Variants in HLTF observed in about 807,000 individuals in gnomAD.
HLTF encodes helicase like transcription factor.
Under a neutral mutation model 129.4 loss-of-function variants are expected in HLTF, and 127 were observed. That is an observed-to-expected ratio of 0.98 (90% CI 0.85 to 1.14). The LOEUF (loss-of-function observed/expected upper bound fraction) is 1.14, where lower values mean the gene tolerates loss of function less well. Ranked by LOEUF, HLTF falls within the 50% of genes most tolerant of loss-of-function variation. The pLI is 0.00. For synonymous variants in HLTF, 332 were observed against 388.8 expected (o/e 0.85, Z 1.72); for missense variants, 1,139 against 1,187.1 (o/e 0.96, Z 0.60).
intron 18 of HLTF, 33 bp from the exon 19 acceptor site, chr3:149,042,323 C>G (rs377234012): frequency 1.7e-5 from 26 of 1,555,732 alleles, no homozygotes; most frequent in Non-Finnish European, 2.3e-5. Flanking sequence ...TTATTAAGTC[C>G]GCTAAACAAT....
In HLTF at chr3:149,086,475, A is replaced by G; in HGVS notation, c.-139T>C. 1 of 938,774 alleles carries G rather than the reference A, an allele frequency of 1.1e-6. No individual in the cohort carries two copies. Among genetic ancestry groups the G allele is most frequent in the Non-Finnish European group, 1.6e-6 (1 of 616,968 alleles). 58.2% of individuals were successfully genotyped at this position (938,774 alleles called of 1,614,324 possible). ...GCGCCGGATCAGGAGCGCACGACTG[A>G]AAGGTAAGTCGCCGCGAGTCCAGTC... On this transcript the variant is annotated 5_prime_UTR_variant, in exon 1 of 25. Transcript: ENST00000310053.
At chr3:149,047,517 C>T (rs1716643913) in intron 17 of HLTF, among the ~76,000 whole-genome samples, 1 of 152,160 alleles carries the variant, frequency 6.6e-6, no homozygotes, top group Non-Finnish European at 1.5e-5. Context: ...TGGCGCAGAC[C>T]TGTAATCTCA....
chr3:149,062,864 A>G (rs748013913), intron 10 of HLTF, among the ~76,000 whole-genome samples: 11 of 152,224 alleles, frequency 7.2e-5, no homozygotes, highest in Non-Finnish European at 1.2e-4. Context: ...AAAATAGAAA[A>G]AAAGTAGTAG....
chr3:149,077,300 T>G (rs1340113533), intron 2 of HLTF, among the ~76,000 whole-genome samples: 3 of 149,466 alleles, frequency 2.0e-5, no homozygotes, highest in Non-Finnish European at 4.5e-5. Context: ...ATAAAAATAA[T>G]AGCTTGTTGG....
chr3:149,071,086 A>G (rs895274614), intron 7 of HLTF, among the ~76,000 whole-genome samples, 166 bp downstream of exon 7: 2 of 151,924 alleles, frequency 1.3e-5, no homozygotes, highest in Non-Finnish European at 2.9e-5. Context: ...TCTTTATACC[A>G]CTATTTTAAC....
At chr3:149,057,852 T>G (rs780562063) in intron 13 of HLTF, among the ~76,000 whole-genome samples, 1 of 152,204 alleles carries the variant, frequency 6.6e-6, no homozygotes, top group Admixed American at 6.5e-5. Context: ...ATGTACATTA[T>G]TTCTAATATT....
chr3:149,055,353 G>T lies in HLTF; in HGVS notation c.1423C>A (p.Pro475Thr), dbSNP rs1401541078. Residue 475 changes from proline (P) to threonine (T), a missense_variant, in exon 14 of 25, where the codon CCA becomes ACA. By Grantham distance (38) the Pro-to-Thr change is conservative. Transcript: ENST00000310053. ...GSKKTDVEER[P>T]RTTLIICPLS... ...GGACAGATGATCAGTGTTGTTCTTG[G>T]TCTCTCCTCAACATCAGTTTTCTTT... 6.2e-7 allele frequency: 1 copy of T among 1,613,878 alleles called. No homozygotes were observed.
At chr3:149,040,754 GA>G (rs1559856612) in intron 20 of HLTF, among the ~76,000 whole-genome samples, 1 of 152,128 alleles carries the variant, frequency 6.6e-6, no homozygotes, top group Non-Finnish European at 1.5e-5. Context: ...TACTTTTGGG[GA>G]AGAGGGAGAG....
At chr3:149,056,395 A>C (rs1047244789) in intron 13 of HLTF, among the ~76,000 whole-genome samples, 5 of 152,242 alleles carry the variant, frequency 3.3e-5, no homozygotes, top group African/African-American at 1.2e-4. Context: ...TTACCAATGG[A>C]GTATCTTCCA....
intron 24 of HLTF, among the ~76,000 whole-genome samples, chr3:149,033,136 A>T (rs1353997113): frequency 6.6e-6 from 1 of 152,166 alleles, no homozygotes; most frequent in Non-Finnish European, 1.5e-5. Context: ...ATTTAATGTG[A>T]AACAATAAAA....
rs979613201 is a variant in HLTF, at chr3:149,063,509, C to T, written c.1082G>A (p.Ser361Asn). The T allele has an allele frequency of 3.7e-6, 6 of 1,603,348 alleles. No individual in the cohort carries two copies. Among genetic ancestry groups the T allele is most frequent in the Non-Finnish European group, 5.1e-6 (6 of 1,170,580 alleles). ...GATATCTGAAATACTGGGTTGTTCA[C>T]TACATCTAGATGCGTCTATTTCAAA... is the stretch of plus-strand genomic sequence containing the variant. ...DGLSKDASRC[S>N]EQPSISDIKE... Residue 361 changes from serine (S) to asparagine (N), a missense_variant, in exon 10 of 25, where the codon AGT becomes AAT. Coordinates refer to ENST00000310053, the MANE Select transcript of HLTF (RefSeq NM_003071.4).
chr3:149,071,749 G>C, intron 5 of HLTF, 92 bp from the exon 6 acceptor site: 1 of 848,258 alleles, frequency 1.2e-6, no homozygotes, highest in African/African-American at 1.7e-5. Context: ...TAATTAACTG[G>C]CGTTAATGTC....
chr3:149,063,968 T>C (rs1168072464), intron 9 of HLTF, among the ~76,000 whole-genome samples: 1 of 152,218 alleles, frequency 6.6e-6, no homozygotes, highest in Admixed American at 6.5e-5. Context: ...TGATCCATAC[T>C]ACATTGACCC....
rs1203508714 is a variant in HLTF, at chr3:149,030,592, A to G, written c.*1628T>C. On this transcript the variant is annotated 3_prime_UTR_variant, in exon 25 of 25. Transcript: ENST00000310053. ...TACTTAATCTCACTGAAGTATTGCT[A>G]TATGGAGAACCCATACTCTGATCAA... is the stretch of plus-strand genomic sequence containing the variant. The G allele has an allele frequency of 3.3e-5, 5 of 152,188 alleles. No homozygotes were observed. The East Asian group carries it at 9.6e-4, about 29-fold the overall frequency. The allele number at this position is 152,188 out of a possible 1,614,324, so 9.4% of individuals were successfully genotyped here.
chr3:149,050,318 C>A lies in HLTF; in HGVS notation c.1531G>T (p.Gly511Cys). 1.3e-6 allele frequency: 2 copies of A among 1,595,166 alleles called. No individual in the cohort carries two copies. The highest frequency in any genetic ancestry group is 8.6e-7 in the Non-Finnish European group (1 of 1,165,986). Residue 511 changes from glycine to cysteine, a missense_variant, in exon 15 of 25, where the codon GGT becomes TGT. Transcript: ENST00000310053. ...GCCGGTTCTCTAATACGATCAGGAC[C>A]ATAATAAACATAAAAATTCAAGTGT... is the stretch of plus-strand genomic sequence containing the variant. ...DVHLNFYVYY[G>C]PDRIREPALL...
At position 149,086,176 on chromosome 3, in the gene HLTF, C is replaced by T. The variant is rs572491820; in HGVS notation, c.20+141G>A. 2.3e-5 allele frequency: 20 copies of T among 876,188 alleles called. No individual in the cohort carries two copies. The African/African-American group carries it at 2.6e-4, about 12-fold the overall frequency. The allele number at this position is 876,188 out of a possible 1,614,324, so 54.3% of individuals were successfully genotyped here. A position where few individuals can be genotyped will look rare whatever the true frequency, so the allele number is the denominator to read the frequency against. On this transcript the variant is annotated intron_variant, in intron 1 of 24. Coordinates refer to ENST00000310053, the MANE Select transcript of HLTF (RefSeq NM_003071.4). Reference sequence around the variant, plus strand: ...GAAGACAATGCATTTATTTCTCCGGCGGCCACATATGCGACCAACAGAACG... The same window carrying T: ...GAAGACAATGCATTTATTTCTCCGGTGGCCACATATGCGACCAACAGAACG...
At chr3:149,070,337 C>T (rs1320752586) in intron 7 of HLTF, among the ~76,000 whole-genome samples, 1 of 152,212 alleles carries the variant, frequency 6.6e-6, no homozygotes, top group Non-Finnish European at 1.5e-5. Context: ...AATTCAGCTG[C>T]CATCTATTCG....
intron 18 of HLTF, among the ~76,000 whole-genome samples, chr3:149,045,557 T>G (rs1033429432): frequency 1.3e-5 from 2 of 152,198 alleles, no homozygotes; most frequent in African/African-American, 4.8e-5. Flanking sequence ...TAGAACAATC[T>G]TTCCCACTCT....
rs752413246 is a variant in HLTF, at chr3:149,039,176, CTT to C, written c.2667_2668del (p.Arg890SerfsTer2). The C allele has an allele frequency of 6.2e-7, 1 of 1,610,254 alleles. No homozygotes were observed. The highest frequency in any genetic ancestry group is 8.5e-7 in the Non-Finnish European group (1 of 1,178,456). The stretch of plus-strand genomic sequence containing the variant: ...TTGAAAACACTGAATTGATTCAACT[CTT>C]TTCTTTTGGGCCATGGAACCATCCA... On this transcript the variant is annotated frameshift_variant, in exon 23 of 25. Transcript: ENST00000310053. LOFTEE classifies it high-confidence loss of function.
Sources: gnomAD v4.1 joint callset for allele counts (sites outside exome capture counted in the v4.1 genomes callset) on GRCh38, gnomAD v4.1.1 for gene constraint, MANE v1.5 for transcripts, NCBI Gene and HGNC (gene_info 2026-07-23, HGNC 2026-07-21) for gene names.